Variants in BABAM1 observed in about 807,000 individuals in gnomAD.
BABAM1 encodes the protein BRISC and BRCA1-A complex member 1.
Under a neutral mutation model 34.4 loss-of-function variants are expected in BABAM1, and 14 were observed. The observed-to-expected ratio is 0.41, with a 90% CI of 0.27 to 0.64. The LOEUF is 0.64. Ranked by LOEUF, BABAM1 falls within the 30% of genes least tolerant of loss-of-function variation. The pLI, the probability that BABAM1 is intolerant of heterozygous loss-of-function variation, is 0.34. For synonymous variants in BABAM1, 169 were observed against 165.8 expected (o/e 1.02, Z -0.15); for missense variants, 393 against 434.0 (o/e 0.91, Z 0.84).
chr19:17,279,191 A>G lies in BABAM1; in HGVS notation c.*143A>G. 1.2e-6 allele frequency: 1 copy of G among 806,264 alleles called. No homozygotes were observed. The highest frequency in any genetic ancestry group is 1.9e-6 in the Non-Finnish European group (1 of 531,636). The allele number at this position is 806,264 out of a possible 1,614,324, so 49.9% of individuals were successfully genotyped here. A position where few individuals can be genotyped will look rare whatever the true frequency, so the allele number is the denominator to read the frequency against. On this transcript the variant is annotated 3_prime_UTR_variant, in exon 9 of 9. Coordinates refer to ENST00000598188, the MANE Select transcript of BABAM1 (RefSeq NM_014173.4). ...TACCTTGCAGGGTCCTAGGAGGGAA[A>G]CCCAGGATTCCAGGAGGGATCCCAG...
chr19:17,270,917 C>T (rs1476413998), intron 2 of BABAM1, among the ~76,000 whole-genome samples: 1 of 151,574 alleles, frequency 6.6e-6, no homozygotes, highest in African/African-American at 2.4e-5. Context: ...GTCTCGATCT[C>T]CTGACCTCGT....
intron 2 of BABAM1, 121 bp from the exon 3 acceptor site, chr19:17,271,476 C>A: frequency 9.3e-7 from 1 of 1,077,286 alleles, no homozygotes; most frequent in Non-Finnish European, 1.3e-6. Context: ...GATGGCTTGG[C>A]TGAGGATTAG....
At chr19:17,271,302 A>T (rs1027994207) in intron 2 of BABAM1, among the ~76,000 whole-genome samples, 4 of 152,000 alleles carry the variant, frequency 2.6e-5, no homozygotes, top group Non-Finnish European at 5.9e-5. Context: ...ATAAGGTCAC[A>T]TTCTCAGGTT....
intron 2 of BABAM1, 82 bp downstream of exon 2, chr19:17,269,173 C>T: frequency 7.0e-7 from 1 of 1,420,756 alleles, no homozygotes; most frequent in South Asian, 1.5e-5. Flanking sequence ...TGCAAACATT[C>T]CCTTTGTATT....
chr19:17,273,893 T>C lies in BABAM1; in HGVS notation c.345-11T>C. 3 of 1,598,758 alleles carry C rather than the reference T, an allele frequency of 1.9e-6. No individual in the cohort carries two copies. Among genetic ancestry groups the C allele is most frequent in the Non-Finnish European group, 2.6e-6 (3 of 1,172,870 alleles). On this transcript the variant is annotated splice_polypyrimidine_tract_variant and intron_variant, in intron 3 of 8. Coordinates refer to ENST00000598188, the MANE Select transcript of BABAM1 (RefSeq NM_014173.4). ...GGAACCTTAATTCCCCTGTACTCTCTGCCTCCCCAGCTCCAAAACCAACGC... is the reference window on the plus strand; with the variant it reads ...GGAACCTTAATTCCCCTGTACTCTCCGCCTCCCCAGCTCCAAAACCAACGC...
rs752598328 is a variant in BABAM1 at position 17,276,711 on chromosome 19, G to A, written c.699+87G>A. The stretch of plus-strand genomic sequence containing the variant: ...GGAGGGACTTCCAACCACAGAGGCT[G>A]GGGTGCCTAGAGGTAAGTTCCCAGA... On this transcript the variant is annotated intron_variant, in intron 7 of 8. Transcript: ENST00000598188. 2.1e-5 allele frequency: 32 copies of A among 1,557,022 alleles called. No homozygotes were observed. The Admixed American group carries it at 2.5e-4, about 12-fold the overall frequency.
At chr19:17,273,401 G>A (rs1020789581) in intron 3 of BABAM1, among the ~76,000 whole-genome samples, 4 of 152,128 alleles carry the variant, frequency 2.6e-5, no homozygotes, top group South Asian at 4.1e-4. Flanking sequence ...CCCATGCTGC[G>A]CAGAGGGACC....
Position 17,273,932 on chromosome 19 carries a change from CAGA to C in BABAM1, c.377_379del (p.Lys126del), listed in dbSNP as rs760017361. On this transcript the variant is annotated inframe_deletion, in exon 4 of 9. Transcript: ENST00000598188. ...CAAAACCAACGCCCTCAATGTCTCC[CAGA>C]AGATGATTGAGATGTTCGTGCGGAC... is the stretch of plus-strand genomic sequence containing the variant. The C allele has an allele frequency of 6.2e-7, 1 of 1,613,572 alleles. No individual in the cohort carries two copies. The highest frequency in any genetic ancestry group is 8.5e-7 in the Non-Finnish European group (1 of 1,179,778).
intron 2 of BABAM1, among the ~76,000 whole-genome samples, chr19:17,269,475 C>T (rs963190956): frequency 5.3e-5 from 8 of 151,260 alleles, no homozygotes; most frequent in African/African-American, 9.7e-5. Context: ...CTCAGCCTCC[C>T]GAGCAGCTGG....
chr19:17,267,610 G>C (rs1378518281), intron 1 of BABAM1, 83 bp downstream of exon 1: 4 of 152,204 alleles, frequency 2.6e-5, no homozygotes, highest in Non-Finnish European at 5.9e-5. Context: ...GCCTTTCCTG[G>C]GGCTTCCGCC....
At chr19:17,273,687 T>C (rs2073873407) in intron 3 of BABAM1, among the ~76,000 whole-genome samples, 2 of 150,548 alleles carry the variant, frequency 1.3e-5, no homozygotes, top group African/African-American at 4.9e-5. Flanking sequence ...CTCAGCCTCC[T>C]GAGTAGCTGG....
At position 17,279,074 on chromosome 19, in the gene BABAM1, T is replaced by C; in HGVS notation, c.*26T>C. ...ACCATCCCTGTACATCTGCACCTTC[T>C]TGTGCAAGGAAGTCCTTGGCCTAAA... is the stretch of plus-strand genomic sequence containing the variant. On this transcript the variant is annotated 3_prime_UTR_variant, in exon 9 of 9. Transcript: ENST00000598188. The C allele has an allele frequency of 6.3e-7, 1 of 1,589,544 alleles. No individual in the cohort carries two copies. Among genetic ancestry groups the C allele is most frequent in the Non-Finnish European group, 8.6e-7 (1 of 1,164,656 alleles).
Position 17,274,120 on chromosome 19 carries a change from C to A in BABAM1, c.479C>A (p.Thr160Asn). 1 of 1,613,750 alleles carries A rather than the reference C, an allele frequency of 6.2e-7. No homozygotes were observed. Among genetic ancestry groups the A allele is most frequent in the Non-Finnish European group, 8.5e-7 (1 of 1,179,874 alleles). Residue 160 changes from threonine to asparagine, a missense_variant, in exon 5 of 9, where the codon ACC (threonine) becomes AAC (asparagine). By Grantham distance (65) the Thr-to-Asn change is moderately conservative. Transcript: ENST00000598188. ...GCTTCCCTGCAGCTGTCTGGCCTGA[C>A]CTCCGACCCCCGCGAGCTCTGTAGC... ...NDDTAWLSGL[T>N]SDPRELCSCL...
In BABAM1 at chr19:17,276,550, T is replaced by C; in HGVS notation, c.625T>C (p.Tyr209His). 3.1e-6 allele frequency: 5 copies of C among 1,605,682 alleles called. No individual in the cohort carries two copies. Among genetic ancestry groups the C allele is most frequent in the Non-Finnish European group, 4.3e-6 (5 of 1,176,366 alleles). ...GAACGTGCAGACGATTCCCCCGCCATATGTGGTCCGCACCATCCTTGTCTA... is the reference window on the plus strand; with the variant it reads ...GAACGTGCAGACGATTCCCCCGCCACATGTGGTCCGCACCATCCTTGTCTA... The part of the protein sequence containing the change: ...TENVQTIPPP[Y>H]VVRTILVYSR... Residue 209 changes from tyrosine to histidine, a missense_variant, in exon 7 of 9, where the codon TAT (tyrosine) becomes CAT (histidine). Coordinates refer to ENST00000598188, the MANE Select transcript of BABAM1 (RefSeq NM_014173.4).
At chr19:17,278,139 A>C (rs530490307) in intron 8 of BABAM1, among the ~76,000 whole-genome samples, 60 of 151,960 alleles carry the variant, frequency 3.9e-4, no homozygotes, top group African/African-American at 1.3e-3. Flanking sequence ...GTGCCGTTGC[A>C]CTCCAGCCTG....
Position 17,275,852 on chromosome 19 carries a change from T to C in BABAM1, c.569+27T>C, listed in dbSNP as rs780033538. On this transcript the variant is annotated intron_variant, in intron 6 of 8. Coordinates refer to ENST00000598188, the MANE Select transcript of BABAM1 (RefSeq NM_014173.4). ...TAAGTCCCCTGTGGGGAAATTCTTA[T>C]TCACCTTCAAAGAGAAGGGTCACTT... The C allele has an allele frequency of 1.0e-5, 16 of 1,607,780 alleles. 1 individual carries two copies. The highest frequency in any genetic ancestry group is 6.6e-5 in the South Asian group (6 of 90,966).
rs1341192402 is a variant in BABAM1 at position 17,276,902 on chromosome 19, G to A, written c.779G>A (p.Ser260Asn). ...NGTEEKEEEMSWKDMFAFMGS... is the reference protein window; with the variant it reads ...NGTEEKEEEMNWKDMFAFMGS... ...ACTGAGGAGAAGGAGGAGGAGATGA[G>A]TTGGAAGGTGAGAGGCTGCAGCAGG... Residue 260 changes from serine (S) to asparagine (N), a missense_variant, in exon 8 of 9, where the codon AGT becomes AAT. Coordinates refer to ENST00000598188, the MANE Select transcript of BABAM1 (RefSeq NM_014173.4). 6.3e-7 allele frequency: 1 copy of A among 1,596,416 alleles called. No homozygotes were observed. The highest frequency in any genetic ancestry group is 1.8e-5 in the Admixed American group (1 of 57,048).
rs557124977 is a variant in BABAM1 at position 17,276,701 on chromosome 19, C to T, written c.699+77C>T. Reference sequence around the variant, plus strand: ...TTAGACACCAGGAGGGACTTCCAACCACAGAGGCTGGGGTGCCTAGAGGTA... The same window carrying T: ...TTAGACACCAGGAGGGACTTCCAACTACAGAGGCTGGGGTGCCTAGAGGTA... On this transcript the variant is annotated intron_variant, in intron 7 of 8. Coordinates refer to ENST00000598188, the MANE Select transcript of BABAM1 (RefSeq NM_014173.4). 1.8e-5 allele frequency: 28 copies of T among 1,560,120 alleles called. No individual in the cohort carries two copies. In the South Asian group the frequency reaches 3.3e-4, roughly 18 times the overall value.
intron 1 of BABAM1, chr19:17,268,583 C>A (rs903156675): frequency 6.2e-6 from 3 of 480,224 alleles, no homozygotes; most frequent in Non-Finnish European, 1.1e-5. Flanking sequence ...GCATGCGCCA[C>A]CACGCCCGGC....
Sources: gnomAD v4.1 joint callset for allele counts (sites outside exome capture counted in the v4.1 genomes callset) on GRCh38, gnomAD v4.1.1 for gene constraint, MANE v1.5 for transcripts, NCBI Gene and HGNC (gene_info 2026-07-23, HGNC 2026-07-21) for gene names.